CTNNA3: variants seen among roughly 807,000 people sequenced by gnomAD.
The protein encoded by CTNNA3 is catenin alpha-3.
A neutral mutation model predicts 95.7 loss-of-function variants in CTNNA3; 76 were observed. The ratio of observed to expected loss-of-function variants is 0.79; its 90% CI spans 0.66 to 0.96. CTNNA3 has a LOEUF of 0.96. Ranked by LOEUF, CTNNA3 falls within the 40% of genes least tolerant of loss-of-function variation. CTNNA3 has a pLI of 0.00. For missense variants in CTNNA3, 1,191 were observed against 1,089.8 expected, an observed-to-expected ratio of 1.09 and a Z score of -1.31; for synonymous variants, 431 against 374.4, an observed-to-expected ratio of 1.15 and a Z score of -1.74.
chr10:66,185,247 A>G (rs1234381045), intron 13 of CTNNA3, among the ~76,000 whole-genome samples: 1 of 152,178 alleles, frequency 6.6e-6, no homozygotes, highest in East Asian at 1.9e-4. Context: ...GAATAACACA[A>G]TTAGTAGATA....
chr10:67,311,653 T>C (rs893635419), intron 5 of CTNNA3, among the ~76,000 whole-genome samples: 1 of 151,090 alleles, frequency 6.6e-6, no homozygotes, highest in African/African-American at 2.4e-5. Flanking sequence ...TTTTAAAAAT[T>C]GAATGTTTAG....
At chr10:67,558,569 C>T (rs1363546868) in intron 3 of CTNNA3, among the ~76,000 whole-genome samples, 13 of 152,328 alleles carry the variant, frequency 8.5e-5, no homozygotes, top group African/African-American at 1.2e-4. Context: ...ACGCAGAAGA[C>T]GGGTGATTTC....
At chr10:67,001,089 T>C (rs1851656765) in intron 7 of CTNNA3, among the ~76,000 whole-genome samples, 1 of 151,602 alleles carries the variant, frequency 6.6e-6, no homozygotes, top group Admixed American at 6.6e-5. Context: ...GATCATGAGG[T>C]CAGGAGATCG....
intron 12 of CTNNA3, among the ~76,000 whole-genome samples, chr10:66,361,893 ACTTAC>A (rs1429423979): frequency 6.6e-6 from 1 of 151,682 alleles, no homozygotes; most frequent in Non-Finnish European, 1.5e-5. Flanking sequence ...TTTATCATCC[ACTTAC>A]CTTCTGTTTC....
intron 7 of CTNNA3, among the ~76,000 whole-genome samples, chr10:67,085,268 T>C (rs2131890944): frequency 6.6e-6 from 1 of 151,922 alleles, no homozygotes; most frequent in South Asian, 2.1e-4. Flanking sequence ...GATCACATAA[T>C]AGTAATCAAA....
rs1213261198 is a variant in CTNNA3, at chr10:65,916,040, T to C, written c.*4290A>G. 1 of 152,118 alleles carries C rather than the reference T, an allele frequency of 6.6e-6. No homozygotes were observed. Among genetic ancestry groups the C allele is most frequent in the Non-Finnish European group, 1.5e-5 (1 of 68,018 alleles). The allele number at this position is 152,118 out of a possible 1,614,324, so 9.4% of individuals were successfully genotyped here. A position where few individuals can be genotyped will look rare whatever the true frequency, so the allele number is the denominator to read the frequency against. On this transcript the variant is annotated 3_prime_UTR_variant, in exon 18 of 18. Coordinates refer to ENST00000433211, the MANE Select transcript of CTNNA3 (RefSeq NM_013266.4). Reference sequence around the variant, plus strand: ...ATAAAAACTCTCAAACTGCTATTGTTATTAGTCCTGGCTTATTTGTTTAGT... The same window carrying C: ...ATAAAAACTCTCAAACTGCTATTGTCATTAGTCCTGGCTTATTTGTTTAGT...
chr10:66,413,664 G>A (rs1161973112), intron 11 of CTNNA3, among the ~76,000 whole-genome samples: 1 of 152,094 alleles, frequency 6.6e-6, no homozygotes, highest in Non-Finnish European at 1.5e-5. Context: ...ATAAAGGCAT[G>A]GAAATACAAT....
intron 10 of CTNNA3, among the ~76,000 whole-genome samples, chr10:66,550,252 C>A (rs974361705): frequency 6.6e-6 from 1 of 152,092 alleles, no homozygotes; most frequent in Non-Finnish European, 1.5e-5. Flanking sequence ...CCCCTCAATT[C>A]TTTTTATGTT....
Position 65,920,337 on chromosome 10 carries a change from A to AT in CTNNA3, c.2680dup (p.Ile894AsnfsTer10). 1 of 1,613,284 alleles carries AT rather than the reference A, an allele frequency of 6.2e-7. No individual in the cohort carries two copies. Among genetic ancestry groups the AT allele is most frequent in the Non-Finnish European group, 8.5e-7 (1 of 1,179,726 alleles). ...ATATGTAGAATAGTGGTTTCAGTAGATTTGTCTTCCTCTAAATTCACTCAT... is the reference window on the plus strand; with the variant it reads ...ATATGTAGAATAGTGGTTTCAGTAGATTTTGTCTTCCTCTAAATTCACTCAT... On this transcript the variant is annotated frameshift_variant, in exon 18 of 18. Transcript: ENST00000433211. LOFTEE classifies it high-confidence loss of function.
chr10:66,154,583 G>A (rs1272970714), intron 13 of CTNNA3, among the ~76,000 whole-genome samples: 4 of 150,964 alleles, frequency 2.6e-5, no homozygotes, highest in African/African-American at 7.3e-5. Flanking sequence ...CCCATTTGCC[G>A]AAAACTACTC....
chr10:66,532,543 A>T (rs1029950076), intron 10 of CTNNA3, among the ~76,000 whole-genome samples: 1 of 152,054 alleles, frequency 6.6e-6, no homozygotes, highest in Non-Finnish European at 1.5e-5. Flanking sequence ...ACTTGGATTC[A>T]GCTTTGGTTT....
At chr10:66,564,038 C>A in intron 10 of CTNNA3, among the ~76,000 whole-genome samples, 1 of 152,036 alleles carries the variant, frequency 6.6e-6, no homozygotes, top group East Asian at 1.9e-4. Flanking sequence ...GTTGTCAGGA[C>A]CTCCTGAGGC....
At chr10:66,623,963 C>A (rs1844841495) in intron 9 of CTNNA3, among the ~76,000 whole-genome samples, 1 of 152,104 alleles carries the variant, frequency 6.6e-6, no homozygotes, top group Admixed American at 6.6e-5. Flanking sequence ...TTCCCAAGAA[C>A]AGTAGAAATG....
At chr10:66,462,849 A>G (rs533500776) in intron 11 of CTNNA3, among the ~76,000 whole-genome samples, 1 of 152,272 alleles carries the variant, frequency 6.6e-6, no homozygotes, top group Admixed American at 6.5e-5. Context: ...GTATCATTAT[A>G]AATTTAAGTG....
At chr10:67,164,727 A>G (rs1861685287) in intron 7 of CTNNA3, among the ~76,000 whole-genome samples, 1 of 152,214 alleles carries the variant, frequency 6.6e-6, no homozygotes, top group African/African-American at 2.4e-5. Flanking sequence ...AAAATAGGCA[A>G]AAAACATGAT....
At chr10:66,505,145 T>C (rs1428736885) in intron 11 of CTNNA3, among the ~76,000 whole-genome samples, 1 of 152,140 alleles carries the variant, frequency 6.6e-6, no homozygotes, top group Non-Finnish European at 1.5e-5. Context: ...CAAAGAACAG[T>C]CCTGCAGTCT....
intron 1 of CTNNA3, among the ~76,000 whole-genome samples, chr10:67,702,141 C>A (rs975300695): frequency 6.6e-6 from 1 of 152,090 alleles, no homozygotes; most frequent in African/African-American, 2.4e-5. Flanking sequence ...CCTGAGTGAC[C>A]TACAAAGAGA....
chr10:66,698,963 T>C (rs1485972861), intron 9 of CTNNA3, among the ~76,000 whole-genome samples: 1 of 152,174 alleles, frequency 6.6e-6, no homozygotes, highest in East Asian at 1.9e-4. Context: ...TGAAATCAAA[T>C]AAAAAGTAAC....
At chr10:66,238,557 C>T (rs2089968362) in intron 13 of CTNNA3, among the ~76,000 whole-genome samples, 1 of 151,838 alleles carries the variant, frequency 6.6e-6, no homozygotes, top group Admixed American at 6.6e-5. Context: ...GTAAAAATAG[C>T]ATGCGATGAC....
Sources: gnomAD v4.1 joint callset for allele counts (sites outside exome capture counted in the v4.1 genomes callset) on GRCh38, gnomAD v4.1.1 for gene constraint, MANE v1.5 for transcripts, NCBI Gene and HGNC (gene_info 2026-07-23, HGNC 2026-07-21) for gene names.